Variants in SLC35F5 observed in about 807,000 individuals in gnomAD.
SLC35F5 encodes the protein HCV NS5A-transactivated protein 3.
In SLC35F5, 54 loss-of-function variants were observed where a neutral mutation model predicts 68.6. The ratio of observed to expected loss-of-function variants is 0.79; its 90% CI spans 0.63 to 0.99. The LOEUF (loss-of-function observed/expected upper bound fraction) is 0.99, where lower values mean the gene tolerates loss of function less well. Among genes scored for constraint, SLC35F5 ranks in the 50% least tolerant of loss-of-function variants. The pLI is 0.00. For missense variants in SLC35F5, 567 were observed against 626.9 expected, an observed-to-expected ratio of 0.90 and a Z score of 1.02; for synonymous variants, 211 against 205.2, an observed-to-expected ratio of 1.03 and a Z score of -0.24.
rs1686970196 is a variant in SLC35F5, at chr2:113,711,177, C to A, written c.*4041G>T. On this transcript the variant is annotated 3_prime_UTR_variant, in exon 16 of 16. Coordinates refer to ENST00000245680, the MANE Select transcript of SLC35F5 (RefSeq NM_025181.5). Reference sequence around the variant, plus strand: ...AAAAATAAAAATCATGTTTGTGTCACCCCAGATTCAAAATGCTGTTATTGG... The same window carrying A: ...AAAAATAAAAATCATGTTTGTGTCAACCCAGATTCAAAATGCTGTTATTGG... 6.6e-6 allele frequency among the ~76,000 whole-genome samples: 1 copy of A among 152,124 alleles called. No homozygotes were observed. The highest frequency in any genetic ancestry group is 2.4e-5 in the African/African-American group (1 of 41,418).
chr2:113,756,153 G>A lies in SLC35F5; in HGVS notation c.40+217C>T, dbSNP rs562052816. ...TAAGGCAGCGACGCCTCCCCGGGGAGCCGAGGCGAGGGCGCACGCACGGCT... is the reference window on the plus strand; with the variant it reads ...TAAGGCAGCGACGCCTCCCCGGGGAACCGAGGCGAGGGCGCACGCACGGCT... On this transcript the variant is annotated intron_variant, in intron 1 of 15. Coordinates refer to ENST00000245680, the MANE Select transcript of SLC35F5 (RefSeq NM_025181.5). 30 of 1,449,676 alleles carry A rather than the reference G, an allele frequency of 2.1e-5. No individual in the cohort carries two copies. The African/African-American group carries it at 3.6e-4, about 17-fold the overall frequency. The allele number at this position is 1,449,676 out of a possible 1,614,324, so 89.8% of individuals were successfully genotyped here. A position where few individuals can be genotyped will look rare whatever the true frequency, so the allele number is the denominator to read the frequency against.
rs1686895733 is a variant in SLC35F5 at position 113,709,281 on chromosome 2, C to T, written c.*5937G>A. Among the ~76,000 whole-genome samples, 1 of 151,950 alleles carries T rather than the reference C, an allele frequency of 6.6e-6. No homozygotes were observed. Among genetic ancestry groups the T allele is most frequent in the South Asian group, 2.1e-4 (1 of 4,814 alleles). ...TACAAAACTACGGCCTATGTGGTGTCACTGTTATTACCACTCTTTACAAAG... is the reference window on the plus strand; with the variant it reads ...TACAAAACTACGGCCTATGTGGTGTTACTGTTATTACCACTCTTTACAAAG... On this transcript the variant is annotated 3_prime_UTR_variant, in exon 16 of 16. Transcript: ENST00000245680.
rs1686879643 is a variant in SLC35F5, at chr2:113,708,877, CA to C, written c.*6340del. On this transcript the variant is annotated 3_prime_UTR_variant, in exon 16 of 16. Coordinates refer to ENST00000245680, the MANE Select transcript of SLC35F5 (RefSeq NM_025181.5). ...ACCTTTTGAACATGCATTAGGTAAC[CA>C]GGGGGCAACAGAGTAGGGACTAATA... 1.3e-5 allele frequency among the ~76,000 whole-genome samples: 2 copies of C among 152,194 alleles called. No individual in the cohort carries two copies. The highest frequency in any genetic ancestry group is 4.8e-5 in the African/African-American group (2 of 41,510).
At chr2:113,753,197 C>CTTTTTTTTTT (rs1676827892) in intron 3 of SLC35F5, among the ~76,000 whole-genome samples, 1 of 12,278 alleles carries the variant, frequency 8.1e-5, no homozygotes, top group Non-Finnish European at 1.7e-4. Context: ...TTTTTTTTTG[C>CTTTTTTTTTT]TAAGGAGTTT....
At position 113,746,208 on chromosome 2, in the gene SLC35F5, C is replaced by A. The variant is rs2104471948; in HGVS notation, c.480+69G>T. 2.6e-6 allele frequency: 3 copies of A among 1,161,366 alleles called. No individual in the cohort carries two copies. The South Asian group carries it at 3.7e-5, about 14-fold the overall frequency. 71.9% of individuals were successfully genotyped at this position (1,161,366 alleles called of 1,614,324 possible). On this transcript the variant is annotated intron_variant, in intron 5 of 15. Transcript: ENST00000245680. ...GTAATACAGCTTTGCTGCCATCAAA[C>A]CTGTTTCAGTTTTTCCTACCATGGC...
chr2:113,756,140 G>A lies in SLC35F5; in HGVS notation c.40+230C>T, dbSNP rs1030744916. Reference sequence around the variant, plus strand: ...CGGGGAAGACAGTTAAGGCAGCGACGCCTCCCCGGGGAGCCGAGGCGAGGG... The same window carrying A: ...CGGGGAAGACAGTTAAGGCAGCGACACCTCCCCGGGGAGCCGAGGCGAGGG... On this transcript the variant is annotated intron_variant, in intron 1 of 15. Transcript: ENST00000245680. 29 of 1,444,558 alleles carry A rather than the reference G, an allele frequency of 2.0e-5. No individual in the cohort carries two copies. In the African/African-American group the frequency reaches 3.3e-4, roughly 16 times the overall value. 89.5% of individuals were successfully genotyped at this position (1,444,558 alleles called of 1,614,324 possible).
At chr2:113,715,501 A>G (rs1687144355) in intron 15 of SLC35F5, among the ~76,000 whole-genome samples, 1 of 152,098 alleles carries the variant, frequency 6.6e-6, no homozygotes, top group Non-Finnish European at 1.5e-5. Flanking sequence ...CTCTATTGCA[A>G]TCCATCCTCC....
chr2:113,719,155 T>C lies in SLC35F5; in HGVS notation c.1495A>G (p.Arg499Gly), dbSNP rs780682699. ...AFICRKHRIQ[R>G]VPEDSEQCES... ...AATGTGTATTGGGACTAAACTTACC[T>C]CTGAATTCGATGTTTTCTGCATATA... is the stretch of plus-strand genomic sequence containing the variant. The change falls in exon 14 of 16, where the codon AGA (arginine) becomes GGA (glycine). Residue 499 changes from arginine (R) to glycine (G), a missense_variant and splice_region_variant. Transcript: ENST00000245680. 1 of 1,604,382 alleles carries C rather than the reference T, an allele frequency of 6.2e-7. No individual in the cohort carries two copies.
chr2:113,722,860 G>T (rs751538679), intron 13 of SLC35F5, among the ~76,000 whole-genome samples: 27 of 152,076 alleles, frequency 1.8e-4, no homozygotes, highest in Non-Finnish European at 3.4e-4. Flanking sequence ...AAAAACTGGA[G>T]AACTACATAT....
downstream of SLC35F5, among the ~76,000 whole-genome samples, chr2:113,706,010 T>C (rs1026310381): frequency 1.3e-5 from 2 of 152,212 alleles, no homozygotes; most frequent in Non-Finnish European, 2.9e-5. Context: ...TGGAGTGGAC[T>C]TGACATGGAT....
rs1297313632 is a variant in SLC35F5, at chr2:113,714,847, A to C, written c.*371T>G. 1 of 152,598 alleles carries C rather than the reference A, an allele frequency of 6.6e-6. No homozygotes were observed. The highest frequency in any genetic ancestry group is 1.5e-5 in the Non-Finnish European group (1 of 67,980). The allele number at this position is 152,598 out of a possible 1,614,324, so 9.5% of individuals were successfully genotyped here. A position where few individuals can be genotyped will look rare whatever the true frequency, so the allele number is the denominator to read the frequency against. ...AACACTTAAGTGATTTCTTGAAAAC[A>C]TTTTCATAATATATTCCAGCATTTA... On this transcript the variant is annotated 3_prime_UTR_variant, in exon 16 of 16. Coordinates refer to ENST00000245680, the MANE Select transcript of SLC35F5 (RefSeq NM_025181.5).
chr2:113,755,635 A>C, intron 1 of SLC35F5, 91 bp from the exon 2 acceptor site: 1 of 1,284,412 alleles, frequency 7.8e-7, no homozygotes, highest in Non-Finnish European at 1.1e-6. Flanking sequence ...CTTCAAACTC[A>C]AAGCAAATCA....
At chr2:113,723,727 AT>A (rs1467741319) in intron 12 of SLC35F5, among the ~76,000 whole-genome samples, 2 of 152,218 alleles carry the variant, frequency 1.3e-5, no homozygotes, top group African/African-American at 4.8e-5. Context: ...TTCTTAAAAA[AT>A]ATTTTCTTGT....
chr2:113,751,188 C>T (rs974898822), intron 3 of SLC35F5, among the ~76,000 whole-genome samples: 2 of 151,992 alleles, frequency 1.3e-5, no homozygotes, highest in African/African-American at 4.8e-5. Flanking sequence ...TTATCCTGCC[C>T]TTGGGGAGCT....
At chr2:113,703,202 C>T (rs1014187987), downstream of SLC35F5, among the ~76,000 whole-genome samples, 5 of 152,000 alleles carry the variant, frequency 3.3e-5, no homozygotes, top group African/African-American at 1.2e-4. Context: ...ATAAGCATGT[C>T]TTGACCTTCA....
intron 3 of SLC35F5, among the ~76,000 whole-genome samples, chr2:113,754,049 T>C (rs111718529): frequency 0.011 from 1,705 of 152,174 alleles, 18 homozygotes; most frequent in Non-Finnish European, 0.017. Flanking sequence ...CCCAGCACTT[T>C]GGGAGGCCGA....
intron 11 of SLC35F5, 148 bp downstream of exon 11, chr2:113,729,253 T>C (rs1687789004): frequency 3.8e-6 from 2 of 529,742 alleles, no homozygotes; most frequent in South Asian, 5.5e-5. Flanking sequence ...AAGGAAAACA[T>C]TGGGACTGGC....
intron 9 of SLC35F5, among the ~76,000 whole-genome samples, chr2:113,732,422 T>TA (rs1316438515): frequency 7.0e-6 from 1 of 141,896 alleles, no homozygotes; most frequent in African/African-American, 2.5e-5. Context: ...GAGATATTGC[T>TA]AATTAAAAAA....
intron 12 of SLC35F5, among the ~76,000 whole-genome samples, chr2:113,724,733 A>C (rs1687590678): frequency 6.6e-6 from 1 of 152,166 alleles, no homozygotes; most frequent in African/African-American, 2.4e-5. Context: ...TTAAATAAAA[A>C]TAGGACTAAG....
Sources: allele counts gnomAD v4.1 joint callset (sites outside exome capture counted in the v4.1 genomes callset), GRCh38; gene constraint gnomAD v4.1.1; transcripts MANE v1.5; gene names NCBI Gene and HGNC (gene_info 2026-07-23, HGNC 2026-07-21).